Variants in CSE1L observed in about 807,000 individuals in gnomAD.
The protein encoded by CSE1L is exportin-2.
CSE1L carries 24 observed loss-of-function variants against 120.4 expected under a neutral mutation model. The observed-to-expected ratio is 0.20, with a 90% CI of 0.14 to 0.28. CSE1L has a LOEUF of 0.28. CSE1L is among the 10% of genes least tolerant of loss of function. The pLI is 1.00. For missense variants in CSE1L, 830 were observed against 1,145.2 expected (o/e 0.72, Z 3.97); for synonymous variants, 402 against 398.3 (o/e 1.01, Z -0.11).
In CSE1L at chr20:49,076,946, T is replaced by C. The variant is rs746298600; in HGVS notation, c.1336-34T>C. ...ATGTGATAGATATATACAGGTATTT[T>C]GTTATTTTACTATGTTATGAATTTG... On this transcript the variant is annotated intron_variant, in intron 12 of 24. Coordinates refer to ENST00000262982, the MANE Select transcript of CSE1L (RefSeq NM_001316.4). 1.6e-5 allele frequency: 23 copies of C among 1,412,904 alleles called. No individual in the cohort carries two copies. The East Asian group carries it at 4.6e-4, about 28-fold the overall frequency. 87.5% of individuals were successfully genotyped at this position (1,412,904 alleles called of 1,614,324 possible).
At chr20:49,081,666 T>A (rs2092013815) in intron 14 of CSE1L, among the ~76,000 whole-genome samples, 1 of 152,192 alleles carries the variant, frequency 6.6e-6, no homozygotes, top group South Asian at 2.1e-4. Context: ...TTTTGCCCAT[T>A]TTTCTATCTG....
In CSE1L at chr20:49,089,530, A is replaced by T; in HGVS notation, c.1973-8A>T. The T allele has an allele frequency of 3.1e-6, 5 of 1,613,960 alleles. No individual in the cohort carries two copies. The highest frequency in any genetic ancestry group is 4.2e-6 in the Non-Finnish European group (5 of 1,179,882). ...AGCTCACAGCTCTGTTTTTACTTTTATCAACAGAATTTATTCCATACGTCT... is the reference window on the plus strand; with the variant it reads ...AGCTCACAGCTCTGTTTTTACTTTTTTCAACAGAATTTATTCCATACGTCT... On this transcript the variant is annotated splice_polypyrimidine_tract_variant and splice_region_variant and intron_variant, in intron 18 of 24. Transcript: ENST00000262982.
rs1463843498 is a variant in CSE1L, at chr20:49,074,663, T to A, written c.1067-122T>A. ...TGATTAAGAGTATATGAAGTAGTCA[T>A]CTGATGGGAACGAATTCTTTGCTGT... On this transcript the variant is annotated intron_variant, in intron 10 of 24. Transcript: ENST00000262982. 5 of 652,790 alleles carry A rather than the reference T, an allele frequency of 7.7e-6. No homozygotes were observed. In the East Asian group the frequency reaches 8.9e-5, roughly 12 times the overall value. The allele number at this position is 652,790 out of a possible 1,614,324, so 40.4% of individuals were successfully genotyped here. A position where few individuals can be genotyped will look rare whatever the true frequency, so the allele number is the denominator to read the frequency against.
intron 10 of CSE1L, among the ~76,000 whole-genome samples, chr20:49,073,434 T>C (rs971017566): frequency 4.6e-5 from 7 of 152,184 alleles, no homozygotes; most frequent in African/African-American, 1.7e-4. Context: ...ATTTATAAAA[T>C]GTATGTCCTT....
intron 14 of CSE1L, among the ~76,000 whole-genome samples, chr20:49,079,038 C>T (rs2123726891): frequency 6.6e-6 from 1 of 151,926 alleles, no homozygotes; most frequent in Admixed American, 6.5e-5. Flanking sequence ...ATTACAGGCA[C>T]CTGCCACCAC....
intron 12 of CSE1L, 33 bp from the exon 13 acceptor site, chr20:49,076,947 G>A: frequency 2.1e-6 from 3 of 1,422,892 alleles, no homozygotes; most frequent in Non-Finnish European, 2.9e-6. Context: ...CAGGTATTTT[G>A]TTATTTTACT....
At chr20:49,048,673 T>C (rs769695871) in intron 1 of CSE1L, among the ~76,000 whole-genome samples, 3 of 152,174 alleles carry the variant, frequency 2.0e-5, no homozygotes, top group Non-Finnish European at 2.9e-5. Flanking sequence ...CCTAGAGTGT[T>C]ACATGAAGAA....
In CSE1L at chr20:49,085,428, T is replaced by C. The variant is rs368171950; in HGVS notation, c.1723+42T>C. On this transcript the variant is annotated intron_variant, in intron 16 of 24. Transcript: ENST00000262982. ...GTGTGCAGACTACAGGTATCCAATC[T>C]CAGATTGTAAGGGTGAGCACTCTGA... The C allele has an allele frequency of 2.0e-4, 295 of 1,453,126 alleles. 1 individual carries two copies. In the African/African-American group the frequency reaches 3.4e-3, roughly 17 times the overall value. 90.0% of individuals were successfully genotyped at this position (1,453,126 alleles called of 1,614,324 possible).
At chr20:49,048,644 T>G (rs747957813) in intron 1 of CSE1L, among the ~76,000 whole-genome samples, 1 of 152,146 alleles carries the variant, frequency 6.6e-6, no homozygotes, top group Non-Finnish European at 1.5e-5. Flanking sequence ...ATTGAAATAT[T>G]TAAGGAATAT....
intron 16 of CSE1L, among the ~76,000 whole-genome samples, chr20:49,086,898 C>G (rs776199812): frequency 2.0e-5 from 3 of 152,064 alleles, no homozygotes; most frequent in Admixed American, 6.5e-5. Flanking sequence ...TATGACCTAA[C>G]CGAACGTTAG....
At chr20:49,081,107 C>T (rs558144554) in intron 14 of CSE1L, among the ~76,000 whole-genome samples, 12 of 151,854 alleles carry the variant, frequency 7.9e-5, no homozygotes, top group African/African-American at 2.9e-4. Flanking sequence ...CCTCAGCCTC[C>T]TGAGTAGCTG....
chr20:49,084,603 G>A (rs1046890978), intron 15 of CSE1L, among the ~76,000 whole-genome samples: 1 of 152,138 alleles, frequency 6.6e-6, no homozygotes, highest in African/African-American at 2.4e-5. Context: ...TTTTCATGTG[G>A]CTATTTGCGT....
chr20:49,072,535 T>C (rs199606893), intron 9 of CSE1L, 33 bp from the exon 10 acceptor site: 8 of 1,602,868 alleles, frequency 5.0e-6, no homozygotes, highest in Non-Finnish European at 6.8e-6. Flanking sequence ...GTTTTGCTTT[T>C]AAAAATATTC....
chr20:49,073,825 G>T (rs1180319948), intron 10 of CSE1L, among the ~76,000 whole-genome samples: 1 of 152,072 alleles, frequency 6.6e-6, no homozygotes, highest in Non-Finnish European at 1.5e-5. Flanking sequence ...TAGATCAGTG[G>T]TTTTCAAATT....
At chr20:49,049,988 C>T (rs929878442) in intron 1 of CSE1L, among the ~76,000 whole-genome samples, 8 of 152,136 alleles carry the variant, frequency 5.3e-5, no homozygotes, top group African/African-American at 1.7e-4. Context: ...AATTACACCA[C>T]TGCATTTCTC....
rs2091958273 is a variant in CSE1L at position 49,074,770 on chromosome 20, C to T, written c.1067-15C>T. The T allele has an allele frequency of 1.2e-6, 2 of 1,605,224 alleles. No individual in the cohort carries two copies. The highest frequency in any genetic ancestry group is 1.7e-6 in the Non-Finnish European group (2 of 1,175,928). ...TCTTTTGGAGTGTTATCTGAAATAT[C>T]ATCTCTCCTTGTAGCTGCTGATGAA... is the stretch of plus-strand genomic sequence containing the variant. On this transcript the variant is annotated splice_polypyrimidine_tract_variant and intron_variant, in intron 10 of 24. Transcript: ENST00000262982.
In CSE1L at chr20:49,096,657, G is replaced by A; in HGVS notation, c.*219G>A. 1.7e-6 allele frequency: 1 copy of A among 581,790 alleles called. No homozygotes were observed. Among genetic ancestry groups the A allele is most frequent in the Non-Finnish European group, 3.1e-6 (1 of 326,968 alleles). The allele number at this position is 581,790 out of a possible 1,614,324, so 36.0% of individuals were successfully genotyped here. A position where few individuals can be genotyped will look rare whatever the true frequency, so the allele number is the denominator to read the frequency against. On this transcript the variant is annotated 3_prime_UTR_variant, in exon 25 of 25. Coordinates refer to ENST00000262982, the MANE Select transcript of CSE1L (RefSeq NM_001316.4). ...GGTGGCTTCTAGTTTGCAACTTCAA[G>A]GGACAAGTATTAATAGTTCAGTGTA...
chr20:49,055,357 C>T (rs904967951), intron 1 of CSE1L, among the ~76,000 whole-genome samples: 2 of 152,114 alleles, frequency 1.3e-5, no homozygotes, highest in African/African-American at 4.8e-5. Flanking sequence ...TGTGTCTTGT[C>T]TTCTGAACTA....
intron 12 of CSE1L, 66 bp downstream of exon 12, chr20:49,075,586 G>C: frequency 1.4e-5 from 17 of 1,222,486 alleles, no homozygotes; most frequent in East Asian, 2.5e-5. Context: ...AAGTCAAAAA[G>C]AAATAACGTC....
Sources: gnomAD v4.1 joint callset for allele counts (sites outside exome capture counted in the v4.1 genomes callset) on GRCh38, gnomAD v4.1.1 for gene constraint, MANE v1.5 for transcripts, NCBI Gene and HGNC (gene_info 2026-07-23, HGNC 2026-07-21) for gene names.